The following THSD7A variants were observed in gnomAD, a reference collection of about 807,000 sequenced individuals.
THSD7A encodes thrombospondin type-1 domain-containing protein 7A.
In THSD7A, 96 loss-of-function variants were observed where a neutral mutation model predicts 231.3. The ratio of observed to expected loss-of-function variants is 0.41; its 90% CI spans 0.35 to 0.49. The LOEUF is 0.49. THSD7A is among the 20% of genes least tolerant of loss of function. THSD7A has a pLI of 0.05. For synonymous variants in THSD7A, 940 were observed against 743.3 expected, an observed-to-expected ratio of 1.26 and a Z score of -4.30; for missense variants, 2,290 against 2,070.2, an observed-to-expected ratio of 1.11 and a Z score of -2.06.
intron 1 of THSD7A, among the ~76,000 whole-genome samples, chr7:11,715,955 G>A (rs1781121258): frequency 1.3e-5 from 2 of 151,464 alleles, no homozygotes; most frequent in Non-Finnish European, 3.0e-5. Flanking sequence ...AAATCTGGGA[G>A]AAACCCATAT....
intron 6 of THSD7A, 21 bp from the exon 7 acceptor site, chr7:11,482,003 A>C: frequency 6.4e-7 from 1 of 1,572,830 alleles, no homozygotes; most frequent in Non-Finnish European, 8.7e-7. Flanking sequence ...CATGACCACC[A>C]ACAGCTATTA....
At chr7:11,616,564 T>C (rs1242817207) in intron 2 of THSD7A, among the ~76,000 whole-genome samples, 6 of 152,152 alleles carry the variant, frequency 3.9e-5, no homozygotes, top group Admixed American at 3.9e-4. Flanking sequence ...AAATTGAAAA[T>C]CTGCTTCCTA....
intron 1 of THSD7A, among the ~76,000 whole-genome samples, chr7:11,755,146 G>A (rs1215184570): frequency 6.6e-6 from 1 of 152,020 alleles, no homozygotes; most frequent in African/African-American, 2.4e-5. Flanking sequence ...GCGGAGGATT[G>A]AGGGCTGCTT....
At chr7:11,733,692 CA>C (rs1781813051) in intron 1 of THSD7A, among the ~76,000 whole-genome samples, 1 of 151,736 alleles carries the variant, frequency 6.6e-6, no homozygotes, top group African/African-American at 2.4e-5. Flanking sequence ...ACAATGTTGA[CA>C]AAAATGTGGG....
chr7:11,444,995 T>A lies in THSD7A; in HGVS notation c.3064+1066A>T, dbSNP rs542585293. On this transcript the variant is annotated intron_variant, in intron 13 of 27. Transcript: ENST00000423059. This position sits in a 1 kb window ranked among gnomAD's most constrained non-coding sequence, Gnocchi z 4.2. ...ATGAAACTTCTTTGTAGTGAGATGT[T>A]TAAGAGATTTCAATAAATATGTCAC... Among the ~76,000 whole-genome samples the A allele has an allele frequency of 2.0e-5, 3 of 150,530 alleles. No homozygotes were observed. The South Asian group carries it at 6.2e-4, about 31-fold the overall frequency.
chr7:11,530,281 G>A (rs1043739845), intron 6 of THSD7A, among the ~76,000 whole-genome samples: 1 of 152,140 alleles, frequency 6.6e-6, no homozygotes, highest in Non-Finnish European at 1.5e-5. Context: ...TGTTAATAGG[G>A]TGTGCAATTT....
At position 11,626,749 on chromosome 7, in the gene THSD7A, T is replaced by A. The variant is rs1781483655; in HGVS notation, c.1022+9381A>T. On this transcript the variant is annotated intron_variant, in intron 2 of 27. Transcript: ENST00000423059. ...TAAAAATTCTCAGAGACTATTGGAA[T>A]ACATTTATGATATTAATAATGGTAT... Among the ~76,000 whole-genome samples the A allele has an allele frequency of 3.9e-5, 6 of 152,228 alleles. No individual in the cohort carries two copies. The South Asian group carries it at 1.2e-3, about 32-fold the overall frequency.
rs753224346 is a variant in THSD7A at position 11,590,627 on chromosome 7, G to C, written c.1286C>G (p.Thr429Ser). The C allele has an allele frequency of 6.2e-7, 1 of 1,608,818 alleles. No homozygotes were observed. The highest frequency in any genetic ancestry group is 1.3e-5 in the African/African-American group (1 of 74,780). ...CACACGGCACTCAGTCCACTCTGTA[G>C]TTCTCCAGCCATACCTAAATAAAGA... Reference protein sequence around the residue: ...VVPCATYGWRTTEWTECRVDP... With the variant: ...VVPCATYGWRSTEWTECRVDP... The change falls in exon 4 of 28, where the codon ACT becomes AGT. Residue 429 changes from threonine to serine, a missense_variant. Thr to Ser is a moderately conservative substitution (Grantham distance 58). Transcript: ENST00000423059. The surrounding 1 kb of genome is among the most constrained non-coding windows in gnomAD (Gnocchi z 4.4).
chr7:11,817,348 T>C (rs746206625), intron 1 of THSD7A, among the ~76,000 whole-genome samples: 1 of 152,198 alleles, frequency 6.6e-6, no homozygotes, highest in Non-Finnish European at 1.5e-5. Flanking sequence ...ACCTCCAGCA[T>C]TGCCTGCATG....
At chr7:11,830,098 G>A (rs1222967168) in intron 1 of THSD7A, among the ~76,000 whole-genome samples, 1 of 152,158 alleles carries the variant, frequency 6.6e-6, no homozygotes, top group African/African-American at 2.4e-5. Flanking sequence ...GCTAGGACTG[G>A]CACTGGAATC....
intron 6 of THSD7A, among the ~76,000 whole-genome samples, chr7:11,484,981 C>G (rs1476688008): frequency 6.8e-6 from 1 of 147,540 alleles, no homozygotes; most frequent in Non-Finnish European, 1.5e-5. Flanking sequence ...ACCTCCACCT[C>G]CCAGGGTCAA....
At chr7:11,813,613 T>C (rs964539681) in intron 1 of THSD7A, among the ~76,000 whole-genome samples, 14 of 151,874 alleles carry the variant, frequency 9.2e-5, no homozygotes, top group Non-Finnish European at 7.4e-5. Flanking sequence ...CTTGGGAAGC[T>C]GAGGCAGGGG....
At chr7:11,813,270 A>G (rs1271920243) in intron 1 of THSD7A, among the ~76,000 whole-genome samples, 2 of 152,196 alleles carry the variant, frequency 1.3e-5, no homozygotes. Context: ...TTCTTCCTAA[A>G]TGCACTTTTA....
chr7:11,718,736 G>A (rs1208451358), intron 1 of THSD7A, among the ~76,000 whole-genome samples: 1 of 151,456 alleles, frequency 6.6e-6, no homozygotes, highest in East Asian at 2.0e-4. Context: ...CCTTTAAAGT[G>A]GAACTTATAG....
intron 23 of THSD7A, among the ~76,000 whole-genome samples, chr7:11,399,792 C>A (rs1038033276): frequency 2.0e-5 from 3 of 152,108 alleles, no homozygotes; most frequent in Admixed American, 6.5e-5. Flanking sequence ...ACCATTTGAC[C>A]CAGCCATCCC....
At chr7:11,569,152 C>A (rs1043026866) in intron 4 of THSD7A, among the ~76,000 whole-genome samples, 2 of 152,018 alleles carry the variant, frequency 1.3e-5, no homozygotes, top group African/African-American at 4.8e-5. Context: ...GTTAAGACTT[C>A]AAAAGCACAG....
chr7:11,484,904 T>TTTTTTTTG (rs1786590190), intron 6 of THSD7A, among the ~76,000 whole-genome samples: 1 of 126,014 alleles, frequency 7.9e-6, no homozygotes, highest in African/African-American at 3.1e-5. Flanking sequence ...TTTTTTTTTT[T>TTTTTTTTG]TGTGGAGACG....
chr7:11,721,428 A>G (rs1008303513), intron 1 of THSD7A, among the ~76,000 whole-genome samples: 2 of 151,734 alleles, frequency 1.3e-5, no homozygotes, highest in Non-Finnish European at 2.9e-5. Context: ...TTCTCTAGCC[A>G]TGTAAGACAT....
intron 1 of THSD7A, among the ~76,000 whole-genome samples, chr7:11,670,450 A>T (rs780733497): frequency 1.3e-5 from 2 of 152,248 alleles, no homozygotes; most frequent in African/African-American, 2.4e-5. Context: ...TACATAAAGC[A>T]GTAGAATATT....
Sources: gnomAD v4.1 joint callset for allele counts (sites outside exome capture counted in the v4.1 genomes callset) on GRCh38, gnomAD v4.1.1 for gene constraint, Gnocchi (gnomAD v3.1) non-coding constraint, MANE v1.5 for transcripts, NCBI Gene and HGNC (gene_info 2026-07-23, HGNC 2026-07-21) for gene names.